TRIM50: variants seen among roughly 807,000 people sequenced by gnomAD.
The protein encoded by TRIM50 is E3 ubiquitin-protein ligase TRIM50.
In TRIM50, 34 loss-of-function variants were observed where a neutral mutation model predicts 44.9. The observed-to-expected ratio is 0.76, with a 90% CI of 0.58 to 1.01. The LOEUF (loss-of-function observed/expected upper bound fraction) is 1.01, where lower values mean the gene tolerates loss of function less well. Among genes scored for constraint, TRIM50 ranks in the 50% least tolerant of loss-of-function variants. The pLI, the probability that TRIM50 is intolerant of heterozygous loss-of-function variation, is 0.00. For missense variants in TRIM50, 633 were observed against 663.7 expected (o/e 0.95, Z 0.51); for synonymous variants, 307 against 291.1 (o/e 1.05, Z -0.56).
rs539755635 is a variant in TRIM50, at chr7:73,314,074, CT to C, written c.875-565del. 175 of 313,990 alleles carry C rather than the reference CT, an allele frequency of 5.6e-4. 1 individual carries two copies. The Admixed American group carries it at 6.0e-3, about 11-fold the overall frequency. The allele number at this position is 313,990 out of a possible 1,614,324, so 19.5% of individuals were successfully genotyped here. On this transcript the variant is annotated intron_variant, in intron 6 of 6. Transcript: ENST00000333149. The stretch of plus-strand genomic sequence containing the variant: ...CCAGAAATGTGAGATGTGCTCCCCC[CT>C]GCCCGCCTCCCACCCCTTCCCGCCA...
At chr7:73,326,791 G>T (rs1426351453) in intron 1 of TRIM50, among the ~76,000 whole-genome samples, 1 of 151,894 alleles carries the variant, frequency 6.6e-6, no homozygotes, top group East Asian at 1.9e-4. Flanking sequence ...CTGTTATACA[G>T]GTTTTGTTTG....
intron 3 of TRIM50, among the ~76,000 whole-genome samples, chr7:73,319,261 C>T (rs186089883): frequency 4.6e-5 from 7 of 152,162 alleles, no homozygotes; most frequent in South Asian, 4.2e-4. Flanking sequence ...CCCCAGCTCC[C>T]GTTTCAAATG....
intron 3 of TRIM50, among the ~76,000 whole-genome samples, chr7:73,319,256 G>A (rs1804437424): frequency 6.6e-6 from 1 of 152,146 alleles, no homozygotes; most frequent in Non-Finnish European, 1.5e-5. Context: ...GGTGACCCCA[G>A]CTCCCGTTTC....
Position 73,313,356 on chromosome 7 carries a change from G to A in TRIM50, c.1029C>T (p.Gly343=), listed in dbSNP as rs1554543493. The stretch of plus-strand genomic sequence containing the variant: ...CCCAGTAGTGGCGGCCGCAGGAGAA[G>A]CCGCGGCTGGCCAGGACGCAGGTGC... ...DYSTCVLASR[G]FSCGRHYWEV... is the part of the protein sequence containing the mutation. The change falls in exon 7 of 7, where the codon GGC becomes GGT. Residue 343 remains glycine, a synonymous_variant. Coordinates refer to ENST00000333149, the MANE Select transcript of TRIM50 (RefSeq NM_178125.3). The surrounding 1 kb of genome is among the most constrained non-coding windows in gnomAD (Gnocchi z 4.9). 1 of 1,598,850 alleles carries A rather than the reference G, an allele frequency of 6.3e-7. No individual in the cohort carries two copies. Among genetic ancestry groups the A allele is most frequent in the Non-Finnish European group, 8.5e-7 (1 of 1,173,972 alleles).
chr7:73,316,569 CA>C lies in TRIM50; in HGVS notation c.869del (p.Leu290CysfsTer87). 1.2e-6 allele frequency: 2 copies of C among 1,614,162 alleles called. No homozygotes were observed. The highest frequency in any genetic ancestry group is 1.7e-6 in the Non-Finnish European group (2 of 1,180,014). ...GAGGACGGGTCAGGGCCTCACCTGG[CA>C]AAACTTTCCGGAAGAGCCTTTTCCA... ...TVWKRLFRKV[L>X]PAPEPLKLDP... On this transcript the variant is annotated frameshift_variant, in exon 6 of 7. Transcript: ENST00000333149. LOFTEE classifies it high-confidence loss of function.
chr7:73,320,599 A>G (rs1254525615), intron 2 of TRIM50, among the ~76,000 whole-genome samples: 6 of 150,848 alleles, frequency 4.0e-5, no homozygotes, highest in Non-Finnish European at 8.9e-5. Flanking sequence ...TTGGGAGGCT[A>G]AGGCACGAGA....
intron 1 of TRIM50, 80 bp from the exon 2 acceptor site, chr7:73,324,885 G>A (rs2115780390): frequency 1.3e-6 from 2 of 1,570,312 alleles, no homozygotes; most frequent in South Asian, 1.2e-5. Flanking sequence ...TCAACCCTAA[G>A]GAGCACCAGA....
chr7:73,315,868 T>A (rs1187809174), intron 6 of TRIM50, among the ~76,000 whole-genome samples: 1 of 151,980 alleles, frequency 6.6e-6, no homozygotes, highest in Non-Finnish European at 1.5e-5. Context: ...AGGACATTTT[T>A]AAAAGGATAT....
intron 5 of TRIM50, 143 bp downstream of exon 5, chr7:73,318,544 G>GT: frequency 6.4e-7 from 1 of 1,556,284 alleles, no homozygotes; most frequent in Non-Finnish European, 8.8e-7. Context: ...ACTTTCCTCT[G>GT]TTTTTCCCAG....
chr7:73,317,942 C>T lies in TRIM50; in HGVS notation c.749+745G>A, dbSNP rs540952259. Among the ~76,000 whole-genome samples, 58 of 152,296 alleles carry T rather than the reference C, an allele frequency of 3.8e-4. No homozygotes were observed. In the South Asian group the frequency reaches 0.011, roughly 29 times the overall value. ...GGCCATTTCCCACCTCTCCCAGCTCCGACTCCTGGTGATATCCTGCCTTAC... is the reference window on the plus strand; with the variant it reads ...GGCCATTTCCCACCTCTCCCAGCTCTGACTCCTGGTGATATCCTGCCTTAC... On this transcript the variant is annotated intron_variant, in intron 5 of 6. Transcript: ENST00000333149.
chr7:73,320,147 G>T lies in TRIM50; in HGVS notation c.495C>A (p.Val165=). The change falls in exon 3 of 7, where the codon GTC becomes GTA. Residue 165 remains valine, a splice_region_variant and synonymous_variant. Coordinates refer to ENST00000333149, the MANE Select transcript of TRIM50 (RefSeq NM_178125.3). ...AGGGGCAGAGGGAAGGGGCACTCAC[G>T]ACGATTCGGGTCCGGTTGTTCACCA... is the stretch of plus-strand genomic sequence containing the variant. ...AKLVNNRTRI[V]NESDVFSWVI... 1 of 1,612,296 alleles carries T rather than the reference G, an allele frequency of 6.2e-7. No individual in the cohort carries two copies. The highest frequency in any genetic ancestry group is 1.7e-5 in the Admixed American group (1 of 60,022).
At chr7:73,316,196 T>C (rs1804354180) in intron 6 of TRIM50, among the ~76,000 whole-genome samples, 1 of 152,158 alleles carries the variant, frequency 6.6e-6, no homozygotes, top group African/African-American at 2.4e-5. Flanking sequence ...GTACATTACT[T>C]TTAAAAGTAA....
At chr7:73,327,411 C>T (rs1304218036) in intron 1 of TRIM50, among the ~76,000 whole-genome samples, 1 of 152,190 alleles carries the variant, frequency 6.6e-6, no homozygotes, top group African/African-American at 2.4e-5. Flanking sequence ...CTCTTGAGCC[C>T]AGGGAGTGGC....
Position 73,312,939 on chromosome 7 carries a change from C to G in TRIM50, c.1446G>C (p.Glu482Asp), listed in dbSNP as rs1554543175. The G allele has an allele frequency of 6.5e-7, 1 of 1,546,394 alleles. No individual in the cohort carries two copies. Among genetic ancestry groups the G allele is most frequent in the South Asian group, 1.2e-5 (1 of 83,676 alleles). The change falls in exon 7 of 7, where the codon GAG becomes GAC. Residue 482 changes from glutamate (E) to aspartate (D), a missense_variant. Physicochemically the swap from Glu to Asp is conservative, Grantham distance 45. Coordinates refer to ENST00000333149, the MANE Select transcript of TRIM50 (RefSeq NM_178125.3). ...PPSGPGPLSPEQPTKL is the reference protein window; with the variant it reads ...PPSGPGPLSPDQPTKL ...GGCGGCCCTACAGCTTGGTGGGCTGCTCGGGGCTGAGGGGGCCAGGCCCGC... is the reference window on the plus strand; with the variant it reads ...GGCGGCCCTACAGCTTGGTGGGCTGGTCGGGGCTGAGGGGGCCAGGCCCGC...
rs531039156 is a variant in TRIM50, at chr7:73,312,986, G to A, written c.1399C>T (p.Pro467Ser). The change falls in exon 7 of 7, where the codon CCC (proline) becomes TCC (serine). Residue 467 changes from proline to serine, a missense_variant. By Grantham distance (74) the Pro-to-Ser change is moderately conservative. Transcript: ENST00000333149. ...CCGCTGGGCGGGGGCAGCACCATGG[G>A]CAGCGAGTTGCTGCCCCTCTCGTGC... ...CWHERGSNSLPMVLPPPSGPG... is the reference protein window; with the variant it reads ...CWHERGSNSLSMVLPPPSGPG... 4.5e-6 allele frequency: 7 copies of A among 1,551,984 alleles called. No individual in the cohort carries two copies. In the African/African-American group the frequency reaches 6.8e-5, roughly 15 times the overall value.
chr7:73,324,336 AG>A, intron 2 of TRIM50, 52 bp downstream of exon 2: 1 of 1,613,106 alleles, frequency 6.2e-7, no homozygotes, highest in Non-Finnish European at 8.5e-7. Context: ...CAGAGAGCAC[AG>A]GATCTGGTCC....
chr7:73,316,920 G>A, intron 5 of TRIM50: 2 of 475,538 alleles, frequency 4.2e-6, no homozygotes, highest in South Asian at 5.1e-5. Context: ...TTGGGGACCA[G>A]CAGTGTTGGT....
chr7:73,316,806 C>A, intron 5 of TRIM50, 117 bp from the exon 6 acceptor site: 7 of 1,420,468 alleles, frequency 4.9e-6, no homozygotes, highest in Non-Finnish European at 6.6e-6. Flanking sequence ...GTCACAATGC[C>A]CATCAATGCC....
At chr7:73,320,928 G>A (rs1554544933) in intron 2 of TRIM50, among the ~76,000 whole-genome samples, 1 of 151,844 alleles carries the variant, frequency 6.6e-6, no homozygotes, top group Non-Finnish European at 1.5e-5. Context: ...GGAGGCTGAG[G>A]CAGGAGAATT....
Sources: allele counts gnomAD v4.1 joint callset (sites outside exome capture counted in the v4.1 genomes callset), GRCh38; gene constraint gnomAD v4.1.1; non-coding constraint Gnocchi (gnomAD v3.1); transcripts MANE v1.5; gene names NCBI Gene and HGNC (gene_info 2026-07-23, HGNC 2026-07-21).